Variants in PFKFB3 observed in about 807,000 individuals in gnomAD.
PFKFB3 encodes the protein 6-phosphofructo-2-kinase/fructose-2,6-bisphosphatase 3.
Under a neutral mutation model 68.0 loss-of-function variants are expected in PFKFB3, and 33 were observed. The ratio of observed to expected loss-of-function variants is 0.49; its 90% confidence interval spans 0.37 to 0.65. The LOEUF (loss-of-function observed/expected upper bound fraction) is 0.65. Among genes scored for constraint, PFKFB3 ranks in the 30% least tolerant of loss-of-function variants. The pLI, the probability that PFKFB3 is intolerant of heterozygous loss-of-function variation, is 0.00. For missense variants in PFKFB3, 586 were observed against 712.2 expected (o/e 0.82, Z 2.02); for synonymous variants, 315 against 288.2 (o/e 1.09, Z -0.94).
the PFKFB3 span, among the ~76,000 whole-genome samples, chr10:6,290,391 T>C: frequency 6.6e-6 from 1 of 152,170 alleles, no homozygotes; most frequent in African/African-American, 2.4e-5. Context: ...CAATACCTAA[T>C]TTATTGAGAG....
the PFKFB3 span, among the ~76,000 whole-genome samples, chr10:6,311,418 T>TG: frequency 6.6e-6 from 1 of 152,140 alleles, no homozygotes; most frequent in Non-Finnish European, 1.5e-5. Context: ...TCAGGTTCCC[T>TG]ACGGAAGACC....
chr10:6,183,122 T>A (rs1173297699), intron 1 of PFKFB3, among the ~76,000 whole-genome samples: 2 of 152,132 alleles, frequency 1.3e-5, no homozygotes, highest in Non-Finnish European at 2.9e-5. Context: ...CTCTGGAAAC[T>A]ACCTAGTAGT....
At chr10:6,214,768 C>T (rs951819938) in intron 2 of PFKFB3, among the ~76,000 whole-genome samples, 5 of 152,206 alleles carry the variant, frequency 3.3e-5, no homozygotes, top group South Asian at 2.1e-4. Flanking sequence ...CACATGTCTC[C>T]GGCCCTGGCC....
Position 6,215,299 on chromosome 10 carries a change from A to T in PFKFB3, c.281A>T (p.Glu94Val). 1 of 1,613,874 alleles carries T rather than the reference A, an allele frequency of 6.2e-7. No individual in the cohort carries two copies. The highest frequency in any genetic ancestry group is 8.5e-7 in the Non-Finnish European group (1 of 1,179,920). The stretch of plus-strand genomic sequence containing the variant: ...AACTTCTTCCGCCCCGACAATGAGG[A>T]AGCCATGAAAGTCCGGAAGTAAGGC... ...SYNFFRPDNE[E>V]AMKVRKQCAL... The change falls in exon 3 of 15, where the codon GAA becomes GTA. Residue 94 changes from glutamate to valine, a missense_variant. Coordinates refer to ENST00000379775, the MANE Select transcript of PFKFB3 (RefSeq NM_004566.4). This position sits in a 1 kb window ranked among gnomAD's most constrained non-coding sequence, Gnocchi z 4.3.
the PFKFB3 span, among the ~76,000 whole-genome samples, chr10:6,311,088 T>C: frequency 0.96 from 145,931 of 152,246 alleles, 70,262 homozygotes; most frequent in East Asian, 1. Context: ...GCCTCACTCT[T>C]CACTAATGGG....
rs201238659 is a variant in PFKFB3, at chr10:6,203,308, C to T, written c.48C>T (p.Pro16=). The T allele has an allele frequency of 4.1e-5, 66 of 1,610,378 alleles. No homozygotes were observed. The Admixed American group carries it at 7.0e-4, about 17-fold the overall frequency. ...GCCGAGTGCAGAAGATCTGGGTGCC[C>T]GTGGACCACAGGCCCTCGTTGCCCA... ...TQSRVQKIWV[P]VDHRPSLPRS... The change falls in exon 1 of 15, where the codon CCC becomes CCT. Residue 16 remains proline, a synonymous_variant. Coordinates refer to ENST00000379775, the MANE Select transcript of PFKFB3 (RefSeq NM_004566.4).
chr10:6,209,204 CT>C (rs1843994512), intron 1 of PFKFB3, among the ~76,000 whole-genome samples: 1 of 152,176 alleles, frequency 6.6e-6, no homozygotes, highest in African/African-American at 2.4e-5. Flanking sequence ...CATGACAACA[CT>C]TTGAGCTCGA....
At chr10:6,243,161 A>G (rs1025342904) in intron 14 of PFKFB3, among the ~76,000 whole-genome samples, 4 of 152,200 alleles carry the variant, frequency 2.6e-5, no homozygotes, top group African/African-American at 4.8e-5. Context: ...CAAGACAACC[A>G]AGAGATCTGT....
chr10:6,217,371 C>T (rs1351345455), intron 6 of PFKFB3, among the ~76,000 whole-genome samples, 180 bp downstream of exon 6: 4 of 152,234 alleles, frequency 2.6e-5, no homozygotes, highest in South Asian at 4.1e-4. Flanking sequence ...ACCCAGAGGC[C>T]TGTCCTGTGA....
At chr10:6,221,808 G>A in intron 10 of PFKFB3, 63 bp downstream of exon 10, 7 of 1,140,432 alleles carry the variant, frequency 6.1e-6, no homozygotes, top group South Asian at 1.3e-5. Context: ...GTGCAGGGCT[G>A]GGCCACCCCT....
upstream of PFKFB3, among the ~76,000 whole-genome samples, chr10:6,199,317 T>G (rs1158072502): frequency 6.6e-6 from 1 of 152,102 alleles, no homozygotes; most frequent in Non-Finnish European, 1.5e-5. Context: ...TGCTTGTGTT[T>G]GTTGTTACAG....
chr10:6,173,343 G>C (rs761354061), intron 1 of PFKFB3, among the ~76,000 whole-genome samples: 2 of 152,220 alleles, frequency 1.3e-5, no homozygotes, highest in Non-Finnish European at 2.9e-5. Context: ...TGTGCTTTCA[G>C]CCTGGAGGGG....
the PFKFB3 span, among the ~76,000 whole-genome samples, chr10:6,296,086 T>G: frequency 1.9e-3 from 290 of 152,358 alleles, no homozygotes; most frequent in South Asian, 7.0e-3. Flanking sequence ...ATTGGCTCTG[T>G]GACCTCAATT....
At chr10:6,321,523 C>G in the PFKFB3 span, among the ~76,000 whole-genome samples, 1 of 152,156 alleles carries the variant, frequency 6.6e-6, no homozygotes, top group Non-Finnish European at 1.5e-5. Flanking sequence ...CATTGACCCT[C>G]ATCATCTTAT....
chr10:6,303,488 G>A, the PFKFB3 span, among the ~76,000 whole-genome samples: 2 of 152,108 alleles, frequency 1.3e-5, no homozygotes, highest in African/African-American at 4.8e-5. Flanking sequence ...GACAATCAAT[G>A]CTGAAATAGC....
intron 14 of PFKFB3, among the ~76,000 whole-genome samples, chr10:6,252,926 T>C (rs1846412140): frequency 6.6e-6 from 1 of 152,140 alleles, no homozygotes. Flanking sequence ...TCTTTTTTTG[T>C]TTTTGTTTTT....
chr10:6,224,537 G>T (rs2104495), intron 13 of PFKFB3: 132,673 of 492,408 alleles, frequency 0.27, 18,612 homozygotes, highest in Middle Eastern at 0.34. Context: ...CTGGAGTGCG[G>T]TGGCGCAGTC....
At chr10:6,166,498 A>G (rs1436045330) in intron 1 of PFKFB3, among the ~76,000 whole-genome samples, 1 of 152,104 alleles carries the variant, frequency 6.6e-6, no homozygotes, top group Non-Finnish European at 1.5e-5. Context: ...ATGAAGTAAT[A>G]AAGTGTTTGT....
At chr10:6,267,291 C>T in the PFKFB3 span, among the ~76,000 whole-genome samples, 1 of 152,364 alleles carries the variant, frequency 6.6e-6, no homozygotes, top group African/African-American at 2.4e-5. Flanking sequence ...CTTGATAACG[C>T]TCATGTTCTG....
Sources: gnomAD v4.1 joint callset for allele counts (sites outside exome capture counted in the v4.1 genomes callset) on GRCh38, gnomAD v4.1.1 for gene constraint, Gnocchi (gnomAD v3.1) non-coding constraint, MANE v1.5 for transcripts, NCBI Gene and HGNC (gene_info 2026-07-23, HGNC 2026-07-21) for gene names.